Variants in CDH13 observed in about 807,000 individuals in gnomAD.
The protein encoded by CDH13 is cadherin 13.
Under a neutral mutation model 63.8 loss-of-function variants are expected in CDH13, and 24 were observed. That is an observed-to-expected ratio of 0.38 (90% CI 0.27 to 0.53). The LOEUF is 0.53. CDH13 is among the 20% of genes least tolerant of loss of function. CDH13 has a pLI of 0.85. For missense variants in CDH13, 1,049 were observed against 903.1 expected (o/e 1.16, Z -2.07); for synonymous variants, 503 against 355.3 (o/e 1.42, Z -4.67).
At chr16:83,757,766 A>C (rs1016936516) in intron 11 of CDH13, among the ~76,000 whole-genome samples, 4 of 152,204 alleles carry the variant, frequency 2.6e-5, no homozygotes, top group African/African-American at 9.6e-5. Flanking sequence ...TATGAACGGC[A>C]TTATGCAATA....
At chr16:83,437,569 C>T (rs1418754975) in intron 6 of CDH13, among the ~76,000 whole-genome samples, 6 of 151,856 alleles carry the variant, frequency 4.0e-5, no homozygotes, top group Non-Finnish European at 7.4e-5. Context: ...CCCAGCTACT[C>T]GGGAGGCTGA....
At chr16:83,435,010 C>T (rs12927064) in intron 6 of CDH13, among the ~76,000 whole-genome samples, 1 of 91,750 alleles carries the variant, frequency 1.1e-5, no homozygotes, top group African/African-American at 4.5e-5. Flanking sequence ...TATATATATA[C>T]ACACACACAT....
chr16:83,450,875 G>GA lies in CDH13; in HGVS notation c.782-35593dup, dbSNP rs113200559. On this transcript the variant is annotated intron_variant, in intron 6 of 13. Coordinates refer to ENST00000567109, the MANE Select transcript of CDH13 (RefSeq NM_001257.5). ...ACAGAGCAAGACTCTGTCTCACAGA[G>GA]AAAAAAAAATTGATAAAGAGAGTTC... Among the ~76,000 whole-genome samples the GA allele has an allele frequency of 5.2e-3, 786 of 151,398 alleles. 12 individuals are homozygous for GA. The highest frequency in any genetic ancestry group is 0.042 in the South Asian group (198 of 4,770).
intron 4 of CDH13, among the ~76,000 whole-genome samples, chr16:83,208,809 A>G (rs959387677): frequency 6.6e-6 from 1 of 152,152 alleles, no homozygotes; most frequent in Admixed American, 6.5e-5. Flanking sequence ...TACATAGAGG[A>G]AAACTAGGCG....
chr16:82,919,759 G>C (rs28661446), intron 2 of CDH13, among the ~76,000 whole-genome samples: 1 of 151,950 alleles, frequency 6.6e-6, no homozygotes, highest in African/African-American at 2.4e-5. Flanking sequence ...TTCTGAACAG[G>C]TCCATCTGTT....
chr16:82,945,474 C>A (rs954633960), intron 2 of CDH13, among the ~76,000 whole-genome samples: 1 of 152,168 alleles, frequency 6.6e-6, no homozygotes, highest in Non-Finnish European at 1.5e-5. Context: ...GGGTGCTAAA[C>A]GACTTTCTGC....
chr16:83,720,625 A>G (rs552513892), intron 10 of CDH13, among the ~76,000 whole-genome samples: 4 of 151,880 alleles, frequency 2.6e-5, no homozygotes, highest in Admixed American at 2.6e-4. Flanking sequence ...TGAAACAGCC[A>G]ATGTATCATT....
chr16:83,140,050 A>T (rs2151673217), intron 4 of CDH13, among the ~76,000 whole-genome samples: 1 of 152,308 alleles, frequency 6.6e-6, no homozygotes, highest in African/African-American at 2.4e-5. Flanking sequence ...TAACCGCTGT[A>T]GACATCCGAG....
At chr16:82,994,573 G>C (rs1020273780) in intron 2 of CDH13, among the ~76,000 whole-genome samples, 4 of 152,160 alleles carry the variant, frequency 2.6e-5, no homozygotes, top group South Asian at 2.1e-4. Flanking sequence ...TGTTTAGAAA[G>C]AGCTGATATA....
chr16:83,758,229 T>C (rs1913673813), intron 11 of CDH13, among the ~76,000 whole-genome samples: 1 of 152,156 alleles, frequency 6.6e-6, no homozygotes, highest in East Asian at 1.9e-4. Flanking sequence ...TTAATCCCTC[T>C]TTTTATGAGA....
intron 5 of CDH13, among the ~76,000 whole-genome samples, chr16:83,308,760 A>G (rs1375026213): frequency 6.6e-6 from 1 of 152,240 alleles, no homozygotes; most frequent in Non-Finnish European, 1.5e-5. Flanking sequence ...GAGCTGAGGT[A>G]AAATGAGGAA....
chr16:83,055,412 A>G (rs1276174008), intron 3 of CDH13, among the ~76,000 whole-genome samples: 1 of 151,968 alleles, frequency 6.6e-6, no homozygotes, highest in Admixed American at 6.5e-5. Flanking sequence ...ACTATGGCTA[A>G]TTAAACAAAT....
chr16:82,655,400 AG>A (rs1400002415), intron 1 of CDH13, among the ~76,000 whole-genome samples: 1 of 152,188 alleles, frequency 6.6e-6, no homozygotes, highest in Non-Finnish European at 1.5e-5. Flanking sequence ...GAAGTAGATG[AG>A]ATGGCCATGT....
chr16:83,726,393 T>TTATG (rs1910389605), intron 10 of CDH13: 1 of 152,058 alleles, frequency 6.6e-6, no homozygotes, highest in African/African-American at 2.4e-5. Context: ...ATTTATTTAT[T>TTATG]TATTTGTTCA....
intron 1 of CDH13, among the ~76,000 whole-genome samples, chr16:82,745,502 G>T (rs62034484): frequency 0.24 from 35,945 of 151,926 alleles, 5,170 homozygotes; most frequent in South Asian, 0.37. Context: ...TACTCAGGAG[G>T]CTGAGGCAGG....
At chr16:83,597,547 C>G (rs536966929) in intron 7 of CDH13, among the ~76,000 whole-genome samples, 1 of 152,056 alleles carries the variant, frequency 6.6e-6, no homozygotes, top group Non-Finnish European at 1.5e-5. Context: ...TGGGGTTGGG[C>G]AAGGGTGGAG....
intron 2 of CDH13, among the ~76,000 whole-genome samples, chr16:82,885,434 C>A: frequency 1.1e-5 from 1 of 93,592 alleles, no homozygotes; most frequent in Admixed American, 1.2e-4. Flanking sequence ...ACACCTCCCA[C>A]CCCCCCACCC....
rs141468576 is a variant in CDH13, at chr16:83,053,642, C to T, written c.366+21424C>T. Among the ~76,000 whole-genome samples, 21 of 152,098 alleles carry T rather than the reference C, an allele frequency of 1.4e-4. No homozygotes were observed. In the East Asian group the frequency reaches 3.9e-3, roughly 28 times the overall value. On this transcript the variant is annotated intron_variant, in intron 3 of 13. Coordinates refer to ENST00000567109, the MANE Select transcript of CDH13 (RefSeq NM_001257.5). ...ATGAAAAAAAGTAAGAAAATATATC[C>T]TGTAAATATTAACCAAGAGAAAGTT...
At chr16:82,955,155 G>A (rs1905881359) in intron 2 of CDH13, among the ~76,000 whole-genome samples, 1 of 152,098 alleles carries the variant, frequency 6.6e-6, no homozygotes, top group South Asian at 2.1e-4. Context: ...TAGGTTATCG[G>A]CAACTCTATT....
Sources: allele counts gnomAD v4.1 joint callset (sites outside exome capture counted in the v4.1 genomes callset), GRCh38; gene constraint gnomAD v4.1.1; transcripts MANE v1.5; gene names NCBI Gene and HGNC (gene_info 2026-07-23, HGNC 2026-07-21).